PI4K2B: variants seen among roughly 807,000 people sequenced by gnomAD.
The protein encoded by PI4K2B is phosphatidylinositol 4-kinase type 2 beta.
Under a neutral mutation model 56.6 loss-of-function variants are expected in PI4K2B, and 46 were observed. The observed-to-expected ratio is 0.81, with a 90% CI of 0.64 to 1.04. The LOEUF is 1.04. PI4K2B is among the 50% of genes least tolerant of loss of function. PI4K2B has a pLI of 0.00. For synonymous variants in PI4K2B, 211 were observed against 223.8 expected (o/e 0.94, Z 0.51); for missense variants, 556 against 607.7 (o/e 0.91, Z 0.89).
At chr4:25,259,857 T>C (rs527353103) in intron 5 of PI4K2B, among the ~76,000 whole-genome samples, 64 of 152,322 alleles carry the variant, frequency 4.2e-4, no homozygotes, top group African/African-American at 1.4e-3. Flanking sequence ...GGGCTCCCCA[T>C]TGTGGGTCCC....
At chr4:25,275,253 C>G (rs1009702843) in intron 9 of PI4K2B, among the ~76,000 whole-genome samples, 1 of 152,238 alleles carries the variant, frequency 6.6e-6, no homozygotes, top group African/African-American at 2.4e-5. Flanking sequence ...CAAAACATTT[C>G]CTTCCTTAGC....
intron 1 of PI4K2B, among the ~76,000 whole-genome samples, chr4:25,243,072 T>C (rs1015726166): frequency 2.0e-5 from 3 of 152,166 alleles, no homozygotes; most frequent in African/African-American, 7.2e-5. Flanking sequence ...TAGTGGACCT[T>C]GAGGACAGTC....
chr4:25,266,510 C>T (rs541348900), intron 7 of PI4K2B, among the ~76,000 whole-genome samples: 23 of 152,174 alleles, frequency 1.5e-4, no homozygotes, highest in Admixed American at 7.2e-4. Context: ...TCCTATTAAA[C>T]GTGAATTGTA....
intron 1 of PI4K2B, among the ~76,000 whole-genome samples, chr4:25,247,886 G>A (rs768590105): frequency 1.3e-5 from 2 of 151,884 alleles, no homozygotes; most frequent in Non-Finnish European, 2.9e-5. Flanking sequence ...TATTTTTTGT[G>A]GAGATAGGGT....
intron 9 of PI4K2B, chr4:25,276,355 C>T (rs918570605): frequency 9.1e-6 from 3 of 331,024 alleles, no homozygotes; most frequent in Non-Finnish European, 1.3e-5. Flanking sequence ...TAAGAGTAAA[C>T]TCTTAAATGT....
chr4:25,257,908 G>A (rs1716313296), intron 4 of PI4K2B, among the ~76,000 whole-genome samples: 1 of 152,116 alleles, frequency 6.6e-6, no homozygotes, highest in Admixed American at 6.5e-5. Context: ...AAAATTTCAT[G>A]CCAGCAACAA....
At chr4:25,246,543 A>G (rs1003833245) in intron 1 of PI4K2B, among the ~76,000 whole-genome samples, 4 of 152,242 alleles carry the variant, frequency 2.6e-5, no homozygotes, top group African/African-American at 4.8e-5. Flanking sequence ...ACTAGACTCA[A>G]GAGCCCAGCT....
chr4:25,241,702 C>T (rs1198016565), intron 1 of PI4K2B, among the ~76,000 whole-genome samples: 1 of 152,210 alleles, frequency 6.6e-6, no homozygotes, highest in East Asian at 1.9e-4. Context: ...TGCAACTACA[C>T]TTAAACAGTG....
chr4:25,237,859 C>T (rs1410623392), intron 1 of PI4K2B, among the ~76,000 whole-genome samples: 1 of 152,092 alleles, frequency 6.6e-6, no homozygotes, highest in East Asian at 1.9e-4. Context: ...TATACTCCAG[C>T]CTGGGTTACA....
At chr4:25,236,291 T>G (rs1419600797) in intron 1 of PI4K2B, among the ~76,000 whole-genome samples, 2 of 151,842 alleles carry the variant, frequency 1.3e-5, no homozygotes, top group Non-Finnish European at 2.9e-5. Context: ...GGCTCATGCC[T>G]GTAATCCCAG....
Position 25,234,572 on chromosome 4 carries a change from C to T in PI4K2B, c.268+141C>T, listed in dbSNP as rs531351321. ...TGGGCAGCAGCTCCCGAGCTCGGACCGGCGCCAGCCGCAGCCGCACCGCGG... is the reference window on the plus strand; with the variant it reads ...TGGGCAGCAGCTCCCGAGCTCGGACTGGCGCCAGCCGCAGCCGCACCGCGG... On this transcript the variant is annotated intron_variant, in intron 1 of 9. Transcript: ENST00000264864. 4.9e-4 allele frequency: 266 copies of T among 548,000 alleles called. 1 individual carries two copies. Among genetic ancestry groups the T allele is most frequent in the East Asian group, 2.0e-3 (56 of 27,342 alleles). 33.9% of individuals were successfully genotyped at this position (548,000 alleles called of 1,614,324 possible). A position where few individuals can be genotyped will look rare whatever the true frequency, so the allele number is the denominator to read the frequency against.
At chr4:25,267,821 A>G in intron 7 of PI4K2B, 1 of 974,000 alleles carries the variant, frequency 1.0e-6, no homozygotes, top group Non-Finnish European at 1.2e-6. Flanking sequence ...TGACTCACCC[A>G]TTTACCTCCT....
Position 25,234,055 on chromosome 4 carries a change from G to A in PI4K2B, c.-109G>A. The A allele has an allele frequency of 3.1e-6, 3 of 957,244 alleles. No homozygotes were observed. Among genetic ancestry groups the A allele is most frequent in the Non-Finnish European group, 4.1e-6 (3 of 737,338 alleles). The allele number at this position is 957,244 out of a possible 1,614,324, so 59.3% of individuals were successfully genotyped here. A position where few individuals can be genotyped will look rare whatever the true frequency, so the allele number is the denominator to read the frequency against. On this transcript the variant is annotated 5_prime_UTR_variant, in exon 1 of 10. Coordinates refer to ENST00000264864, the MANE Select transcript of PI4K2B (RefSeq NM_018323.4). ...GCCAAGCGTGCCCGTGCGCTGGTGAGGTGGCGTCCGTTCTACCCGGTCGCT... is the reference window on the plus strand; with the variant it reads ...GCCAAGCGTGCCCGTGCGCTGGTGAAGTGGCGTCCGTTCTACCCGGTCGCT...
intron 1 of PI4K2B, among the ~76,000 whole-genome samples, chr4:25,243,014 G>T (rs534446337): frequency 6.6e-6 from 1 of 152,246 alleles, no homozygotes; most frequent in African/African-American, 2.4e-5. Context: ...CAACTGAGGA[G>T]GTGGGAGAAA....
chr4:25,277,346 G>T lies in PI4K2B; in HGVS notation c.*159G>T. On this transcript the variant is annotated 3_prime_UTR_variant, in exon 10 of 10. Coordinates refer to ENST00000264864, the MANE Select transcript of PI4K2B (RefSeq NM_018323.4). ...TGTAACCAAAAGTTTACAGTTTTTTGTCCAAATATTAAATTTCTATTTCAG... is the reference window on the plus strand; with the variant it reads ...TGTAACCAAAAGTTTACAGTTTTTTTTCCAAATATTAAATTTCTATTTCAG... 1.2e-6 allele frequency: 1 copy of T among 800,434 alleles called. No homozygotes were observed. The highest frequency in any genetic ancestry group is 1.8e-6 in the Non-Finnish European group (1 of 566,788). The allele number at this position is 800,434 out of a possible 1,614,324, so 49.6% of individuals were successfully genotyped here. A position where few individuals can be genotyped will look rare whatever the true frequency, so the allele number is the denominator to read the frequency against.
At chr4:25,238,228 A>G (rs903818642) in intron 1 of PI4K2B, among the ~76,000 whole-genome samples, 3 of 152,226 alleles carry the variant, frequency 2.0e-5, no homozygotes, top group Non-Finnish European at 2.9e-5. Context: ...ACTTGAGAGA[A>G]ACACAATCAT....
intron 4 of PI4K2B, among the ~76,000 whole-genome samples, chr4:25,258,213 C>CTTTTTTTTTTTTTTTTTTTTTTTT (rs545122643): frequency 8.4e-6 from 1 of 119,014 alleles, no homozygotes; most frequent in Non-Finnish European, 1.8e-5. Flanking sequence ...GGAATCTGTC[C>CTTTTTTTTTTTTTTTTTTTTTTTT]TTTTTTTTTT....
intron 7 of PI4K2B, among the ~76,000 whole-genome samples, chr4:25,265,798 A>G (rs911626540): frequency 6.6e-6 from 1 of 152,220 alleles, no homozygotes; most frequent in Non-Finnish European, 1.5e-5. Flanking sequence ...TGGCCTATTT[A>G]GAGGATAGTA....
At chr4:25,268,104 A>G (rs1716731572) in intron 7 of PI4K2B, among the ~76,000 whole-genome samples, 1 of 152,200 alleles carries the variant, frequency 6.6e-6, no homozygotes, top group Non-Finnish European at 1.5e-5. Flanking sequence ...ATATAATAAT[A>G]AAAACAATCT....
Sources: allele counts gnomAD v4.1 joint callset (sites outside exome capture counted in the v4.1 genomes callset), GRCh38; gene constraint gnomAD v4.1.1; transcripts MANE v1.5; gene names NCBI Gene and HGNC (gene_info 2026-07-23, HGNC 2026-07-21).